FGF12: variants seen among roughly 807,000 people sequenced by gnomAD.
FGF12 encodes fibroblast growth factor 12.
In FGF12, 14 loss-of-function variants were observed where a neutral mutation model predicts 23.6. The ratio of observed to expected loss-of-function variants is 0.59; its 90% CI spans 0.39 to 0.93. The LOEUF (loss-of-function observed/expected upper bound fraction) is 0.93, where lower values mean the gene tolerates loss of function less well. Ranked by LOEUF, FGF12 falls within the 40% of genes least tolerant of loss-of-function variation. FGF12 has a pLI of 0.00. For missense variants in FGF12, 175 were observed against 217.8 expected, an observed-to-expected ratio of 0.80 and a Z score of 1.24; for synonymous variants, 62 against 77.3, an observed-to-expected ratio of 0.80 and a Z score of 1.04.
intron 2 of FGF12, among the ~76,000 whole-genome samples, chr3:192,366,126 A>G (rs1251991680): frequency 6.6e-6 from 1 of 152,070 alleles, no homozygotes; most frequent in Non-Finnish European, 1.5e-5. Flanking sequence ...TTCCTTTCCA[A>G]AGAGCAAAAT....
intron 4 of FGF12, among the ~76,000 whole-genome samples, chr3:192,308,799 G>A (rs1715789822): frequency 6.6e-6 from 1 of 152,126 alleles, no homozygotes; most frequent in East Asian, 1.9e-4. Flanking sequence ...GCATTGGGTA[G>A]GGGAAAGATT....
At chr3:192,218,699 A>C (rs148707917) in intron 4 of FGF12, among the ~76,000 whole-genome samples, 112 of 152,378 alleles carry the variant, frequency 7.4e-4, no homozygotes, top group African/African-American at 2.6e-3. Flanking sequence ...ACAGCAGTGC[A>C]AGAATGGACT....
chr3:192,606,134 A>G (rs1213300660), intron 2 of FGF12, among the ~76,000 whole-genome samples: 1 of 152,244 alleles, frequency 6.6e-6, no homozygotes, highest in Admixed American at 6.5e-5. Flanking sequence ...ATGTCCATCA[A>G]TGGTGGACTG....
At chr3:192,694,769 G>C (rs1276856020) in intron 2 of FGF12, among the ~76,000 whole-genome samples, 1 of 151,966 alleles carries the variant, frequency 6.6e-6, no homozygotes, top group African/African-American at 2.4e-5. Flanking sequence ...AGTGAAATAA[G>C]CCAGGCACAG....
intron 2 of FGF12, among the ~76,000 whole-genome samples, chr3:192,456,077 T>C (rs1330744775): frequency 6.6e-6 from 1 of 152,172 alleles, no homozygotes; most frequent in East Asian, 1.9e-4. Flanking sequence ...ATTGATACAT[T>C]AGGTATCACT....
chr3:192,398,660 G>A (rs947096162), intron 2 of FGF12, among the ~76,000 whole-genome samples: 1 of 152,262 alleles, frequency 6.6e-6, no homozygotes, highest in South Asian at 2.1e-4. Flanking sequence ...GGAATTACAG[G>A]TGTGAGCCAG....
chr3:192,554,956 A>G (rs1166274026), intron 2 of FGF12, among the ~76,000 whole-genome samples: 1 of 152,192 alleles, frequency 6.6e-6, no homozygotes, highest in African/African-American at 2.4e-5. Context: ...TGGTAAACTC[A>G]AAGACAGGTC....
chr3:192,242,807 A>G (rs758685623), intron 4 of FGF12, among the ~76,000 whole-genome samples: 1 of 152,076 alleles, frequency 6.6e-6, no homozygotes, highest in Non-Finnish European at 1.5e-5. Context: ...CCTTAGAAAA[A>G]GATTAAGAAG....
intron 2 of FGF12, among the ~76,000 whole-genome samples, chr3:192,723,862 TGA>T (rs1285375793): frequency 2.3e-3 from 257 of 111,650 alleles, no homozygotes; most frequent in African/African-American, 7.8e-3. Flanking sequence ...TGTGTGTGTG[TGA>T]GAGAGAGAGA....
At chr3:192,372,512 T>A (rs760810987) in intron 2 of FGF12, among the ~76,000 whole-genome samples, 2 of 151,934 alleles carry the variant, frequency 1.3e-5, no homozygotes, top group Non-Finnish European at 2.9e-5. Flanking sequence ...CAAGAACACA[T>A]CCATCAGCCT....
intron 2 of FGF12, among the ~76,000 whole-genome samples, chr3:192,697,578 C>A (rs1179644604): frequency 6.6e-6 from 1 of 152,138 alleles, no homozygotes; most frequent in Non-Finnish European, 1.5e-5. Flanking sequence ...AGAAAGCACC[C>A]TATAATAGGG....
At chr3:192,184,601 C>T (rs1716353338) in intron 4 of FGF12, among the ~76,000 whole-genome samples, 1 of 152,176 alleles carries the variant, frequency 6.6e-6, no homozygotes, top group South Asian at 2.1e-4. Flanking sequence ...GAAGGCCAAT[C>T]CAACTCTGAA....
chr3:192,645,208 A>G (rs112904872), intron 2 of FGF12, among the ~76,000 whole-genome samples: 1 of 152,140 alleles, frequency 6.6e-6, no homozygotes, highest in African/African-American at 2.4e-5. Context: ...ATGGTCAACT[A>G]TTAGATTTAG....
intron 2 of FGF12, among the ~76,000 whole-genome samples, chr3:192,539,335 G>A (rs1467350265): frequency 6.6e-6 from 1 of 151,906 alleles, no homozygotes; most frequent in East Asian, 1.9e-4. Context: ...ATTTTTTTTA[G>A]GGTTTTTGTC....
chr3:192,231,770 CA>C (rs1182467511), intron 4 of FGF12, among the ~76,000 whole-genome samples: 17 of 137,076 alleles, frequency 1.2e-4, no homozygotes, highest in Admixed American at 2.2e-4. Context: ...ACTCTGTCTC[CA>C]AAAAAAAAAG....
At chr3:192,601,147 C>A (rs1336656522) in intron 2 of FGF12, among the ~76,000 whole-genome samples, 1 of 152,066 alleles carries the variant, frequency 6.6e-6, no homozygotes, top group Non-Finnish European at 1.5e-5. Flanking sequence ...TCATTCACAG[C>A]AACATGGATG....
At chr3:192,145,207 T>G (rs1221264923) in intron 5 of FGF12, among the ~76,000 whole-genome samples, 1 of 152,264 alleles carries the variant, frequency 6.6e-6, no homozygotes, top group Non-Finnish European at 1.5e-5. Flanking sequence ...TTATGAAGAT[T>G]AAATGCCTTG....
chr3:192,339,589 T>C (rs1717596240), intron 3 of FGF12, among the ~76,000 whole-genome samples: 1 of 152,172 alleles, frequency 6.6e-6, no homozygotes, highest in African/African-American at 2.4e-5. Context: ...TTTGTCCTCT[T>C]TTGTCCTCTA....
At chr3:192,584,949 T>C (rs1443027493) in intron 2 of FGF12, among the ~76,000 whole-genome samples, 1 of 152,166 alleles carries the variant, frequency 6.6e-6, no homozygotes, top group Non-Finnish European at 1.5e-5. Context: ...CAATAGTGTA[T>C]GCCAGGCCCT....
Sources: gnomAD v4.1 joint callset for allele counts (sites outside exome capture counted in the v4.1 genomes callset) on GRCh38, gnomAD v4.1.1 for gene constraint, MANE v1.5 for transcripts, NCBI Gene and HGNC (gene_info 2026-07-23, HGNC 2026-07-21) for gene names.